CREBRF: variants seen among roughly 807,000 people sequenced by gnomAD.
The protein encoded by CREBRF is CREB3 regulatory factor, also known as UPF0474 protein C5orf41.
In CREBRF, 5 loss-of-function variants were observed where a neutral mutation model predicts 66.1. That is an observed-to-expected ratio of 0.08 (90% CI 0.04 to 0.16). The LOEUF is 0.16. Among genes scored for constraint, CREBRF ranks in the 10% least tolerant of loss-of-function variants. The probability of loss-of-function intolerance (pLI) is 1.00; values close to 1 mark genes in which losing one functional copy is unlikely to be tolerated. For synonymous variants in CREBRF, 229 were observed against 264.4 expected, an observed-to-expected ratio of 0.87 and a Z score of 1.30; for missense variants, 531 against 744.9, an observed-to-expected ratio of 0.71 and a Z score of 3.34.
rs181371033 is a variant in CREBRF at position 173,087,854 on chromosome 5, C to T, written c.135+1228C>T. 1.3e-3 allele frequency among the ~76,000 whole-genome samples: 197 copies of T among 152,172 alleles called. 1 individual carries two copies. The highest frequency in any genetic ancestry group is 4.9e-4 in the Non-Finnish European group (33 of 68,004). On this transcript the variant is annotated intron_variant, in intron 3 of 8. Coordinates refer to ENST00000296953, the MANE Select transcript of CREBRF (RefSeq NM_153607.3). Reference sequence around the variant, plus strand: ...TATCTATTTATTTGGGACGGAGTCTCGCTCTGTAGCCCAGGCTGGAGTGCA... The same window carrying T: ...TATCTATTTATTTGGGACGGAGTCTTGCTCTGTAGCCCAGGCTGGAGTGCA...
At chr5:173,078,157 C>T (rs545886809) in intron 1 of CREBRF, among the ~76,000 whole-genome samples, 5 of 152,368 alleles carry the variant, frequency 3.3e-5, no homozygotes, top group African/African-American at 1.2e-4. Flanking sequence ...CCCACACCAG[C>T]TGCAATCCTA....
At chr5:173,078,502 C>T (rs939436289) in intron 1 of CREBRF, among the ~76,000 whole-genome samples, 10 of 149,948 alleles carry the variant, frequency 6.7e-5, no homozygotes, top group East Asian at 3.9e-4. Context: ...ATTTATTATT[C>T]GTAAAATACT....
rs1561798076 is a variant in CREBRF at position 173,080,735 on chromosome 5, A to G, written c.-41A>G. 6.2e-7 allele frequency: 1 copy of G among 1,608,660 alleles called. No homozygotes were observed. ...GAAAGGAATTTACAAACAAGAAAAA[A>G]AAGAAGTTTGGAATCGGATTCACAG... On this transcript the variant is annotated 5_prime_UTR_variant, in exon 2 of 9. Transcript: ENST00000296953.
At chr5:173,062,770 C>G (rs1466093653) in intron 1 of CREBRF, among the ~76,000 whole-genome samples, 1 of 119,240 alleles carries the variant, frequency 8.4e-6, no homozygotes. Flanking sequence ...TTTTTTGAGA[C>G]GGAGTCTTGC....
chr5:173,125,964 G>A (rs1759265855), intron 8 of CREBRF, among the ~76,000 whole-genome samples: 2 of 152,142 alleles, frequency 1.3e-5, no homozygotes, highest in Non-Finnish European at 2.9e-5. Context: ...GATCATGTGA[G>A]GTCAAGAGTT....
chr5:173,093,602 T>G (rs550264582), intron 4 of CREBRF, among the ~76,000 whole-genome samples: 1 of 152,310 alleles, frequency 6.6e-6, no homozygotes, highest in African/African-American at 2.4e-5. Context: ...CTGCAACCTC[T>G]GCTTCCCTGG....
In CREBRF at chr5:173,138,513, C is replaced by T. The variant is rs1455727463; in HGVS notation, c.*4768C>T. On this transcript the variant is annotated 3_prime_UTR_variant, in exon 9 of 9. Coordinates refer to ENST00000296953, the MANE Select transcript of CREBRF (RefSeq NM_153607.3). ...GTGAGGGGACAGAGCCTTAAAACTA[C>T]TTCCAAACAGTATTTTGGAATTGAA... The T allele has an allele frequency of 6.6e-6, 1 of 152,136 alleles. No individual in the cohort carries two copies. Among genetic ancestry groups the T allele is most frequent in the Non-Finnish European group, 1.5e-5 (1 of 68,016 alleles). The allele number at this position is 152,136 out of a possible 1,614,324, so 9.4% of individuals were successfully genotyped here. A position where few individuals can be genotyped will look rare whatever the true frequency, so the allele number is the denominator to read the frequency against.
chr5:173,100,120 A>G (rs367815183), intron 4 of CREBRF, among the ~76,000 whole-genome samples: 9,466 of 39,968 alleles, frequency 0.24, 393 homozygotes, highest in South Asian at 0.32. Context: ...GTGTGTGTGT[A>G]TATATATATA....
chr5:173,069,640 A>G (rs1394660842), intron 1 of CREBRF, among the ~76,000 whole-genome samples: 2 of 152,042 alleles, frequency 1.3e-5, no homozygotes, highest in South Asian at 2.1e-4. Context: ...CAAAATATTC[A>G]CTCACAATGC....
intron 1 of CREBRF, among the ~76,000 whole-genome samples, chr5:173,080,014 A>C (rs1396523407): frequency 6.6e-6 from 1 of 152,218 alleles, no homozygotes; most frequent in Non-Finnish European, 1.5e-5. Context: ...ACTTGCTGGA[A>C]TGATTCTTTC....
intron 1 of CREBRF, among the ~76,000 whole-genome samples, chr5:173,057,883 A>T (rs1393839243): frequency 6.7e-6 from 1 of 149,822 alleles, no homozygotes; most frequent in Non-Finnish European, 1.5e-5. Flanking sequence ...TCTTAGTAGT[A>T]ATTTGCCCCT....
intron 8 of CREBRF, chr5:173,123,941 G>A (rs1420156420): frequency 1.3e-5 from 2 of 152,132 alleles, no homozygotes; most frequent in African/African-American, 4.8e-5. Flanking sequence ...TTCTGTGCTT[G>A]ACTTTTTCTT....
intron 2 of CREBRF, among the ~76,000 whole-genome samples, chr5:173,082,558 C>A (rs189183201): frequency 1.7e-3 from 250 of 150,036 alleles, no homozygotes; most frequent in Middle Eastern, 3.4e-3. Flanking sequence ...AGATTAATAC[C>A]ATTTAAAAAC....
rs1297198112 is a variant in CREBRF at position 173,061,989 on chromosome 5, CAT to C, written c.-192+5511_-192+5512del. On this transcript the variant is annotated intron_variant, in intron 1 of 8. Coordinates refer to ENST00000296953, the MANE Select transcript of CREBRF (RefSeq NM_153607.3). ...ATATTGACCTTTATGAACTGAGAAA[CAT>C]GTGGCCTGCAATCTTGTTTCTAGAT... 3.3e-5 allele frequency among the ~76,000 whole-genome samples: 5 copies of C among 152,042 alleles called. No homozygotes were observed. In the East Asian group the frequency reaches 7.7e-4, roughly 23 times the overall value.
At chr5:173,088,803 TCTA>T (rs780729581) in intron 3 of CREBRF, among the ~76,000 whole-genome samples, 115 of 152,238 alleles carry the variant, frequency 7.6e-4, no homozygotes, top group Non-Finnish European at 1.2e-3. Flanking sequence ...AATGCATAAA[TCTA>T]CTAAAAATTA....
intron 1 of CREBRF, among the ~76,000 whole-genome samples, chr5:173,071,678 A>T (rs958073782): frequency 4.6e-5 from 7 of 152,028 alleles, no homozygotes; most frequent in African/African-American, 1.7e-4. Context: ...TATCCAAGAA[A>T]TGTATGGGAG....
At position 173,089,689 on chromosome 5, in the gene CREBRF, A is replaced by G. The variant is rs1758271634; in HGVS notation, c.136-626A>G. Among the ~76,000 whole-genome samples the G allele has an allele frequency of 4.0e-5, 6 of 151,394 alleles. No individual in the cohort carries two copies. The South Asian group carries it at 6.3e-4, about 16-fold the overall frequency. On this transcript the variant is annotated intron_variant, in intron 3 of 8. Coordinates refer to ENST00000296953, the MANE Select transcript of CREBRF (RefSeq NM_153607.3). ...AAAAAAAAAAAAAGAAAAAAAAATCATCTCTAAAATTCGTGAGGAGTATTT... is the reference window on the plus strand; with the variant it reads ...AAAAAAAAAAAAAGAAAAAAAAATCGTCTCTAAAATTCGTGAGGAGTATTT...
intron 4 of CREBRF, among the ~76,000 whole-genome samples, chr5:173,100,131 A>ATTTTTTTTTTTTTTTTTTTTTTTTTT (rs1184133658): frequency 2.3e-5 from 1 of 42,864 alleles, no homozygotes; most frequent in African/African-American, 9.6e-5. Context: ...TATATATATA[A>ATTTTTTTTTTTTTTTTTTTTTTTTTT]TTTTTTTTTT....
intron 8 of CREBRF, among the ~76,000 whole-genome samples, chr5:173,132,790 G>A (rs1759505350): frequency 6.7e-6 from 1 of 149,816 alleles, no homozygotes; most frequent in Non-Finnish European, 1.5e-5. Flanking sequence ...GTAGAGACAG[G>A]GTTTCTCCAT....
Sources: gnomAD v4.1 joint callset for allele counts (sites outside exome capture counted in the v4.1 genomes callset) on GRCh38, gnomAD v4.1.1 for gene constraint, MANE v1.5 for transcripts, NCBI Gene and HGNC (gene_info 2026-07-23, HGNC 2026-07-21) for gene names.